FAF1: variants seen among roughly 807,000 people sequenced by gnomAD.
FAF1 encodes FAS-associated factor 1.
In FAF1, 25 loss-of-function variants were observed where a neutral mutation model predicts 92.5. That is an observed-to-expected ratio of 0.27 (90% CI 0.20 to 0.38). The LOEUF (loss-of-function observed/expected upper bound fraction) is 0.38. Among genes scored for constraint, FAF1 ranks in the 10% least tolerant of loss-of-function variants. The pLI is 1.00. For synonymous variants in FAF1, 234 were observed against 273.2 expected, an observed-to-expected ratio of 0.86 and a Z score of 1.42; for missense variants, 636 against 793.3, an observed-to-expected ratio of 0.80 and a Z score of 2.38.
At chr1:50,922,492 GAGAGAAGAGA>G (rs71059599) in intron 1 of FAF1, among the ~76,000 whole-genome samples, 7 of 136,240 alleles carry the variant, frequency 5.1e-5, no homozygotes, top group African/African-American at 1.7e-4. Flanking sequence ...AGAAAAGAGA[GAGAGAAGAGA>G]AGAGAAGAGA....
intron 8 of FAF1, among the ~76,000 whole-genome samples, chr1:50,651,716 A>G (rs1361163414): frequency 1.3e-5 from 2 of 152,184 alleles, no homozygotes; most frequent in Non-Finnish European, 2.9e-5. Flanking sequence ...TACACAGCTG[A>G]CATTTCTCAG....
intron 13 of FAF1, among the ~76,000 whole-genome samples, chr1:50,539,993 A>C (rs1419147555): frequency 6.6e-6 from 1 of 151,894 alleles, no homozygotes; most frequent in Admixed American, 6.6e-5. Context: ...TTTTTTTGAG[A>C]CAGAGTCTCT....
intron 13 of FAF1, among the ~76,000 whole-genome samples, chr1:50,547,077 A>T (rs1395455766): frequency 4.7e-5 from 7 of 150,204 alleles, no homozygotes; most frequent in Non-Finnish European, 1.0e-4. Flanking sequence ...TTTTTTTTGT[A>T]GAGATGGGTT....
intron 15 of FAF1, among the ~76,000 whole-genome samples, chr1:50,535,045 T>C (rs1408321303): frequency 6.6e-6 from 1 of 152,190 alleles, no homozygotes; most frequent in African/African-American, 2.4e-5. Context: ...ATAAAATCCA[T>C]ATAGTAGACA....
intron 1 of FAF1, among the ~76,000 whole-genome samples, chr1:50,875,405 C>G (rs932373599): frequency 5.9e-5 from 9 of 151,926 alleles, no homozygotes; most frequent in Non-Finnish European, 2.9e-5. Context: ...GTGAGAACAC[C>G]TACAATCAAC....
At chr1:50,596,079 GA>G (rs1558009108) in intron 9 of FAF1, 41 bp downstream of exon 9, 1 of 1,351,610 alleles carries the variant, frequency 7.4e-7, no homozygotes, top group South Asian at 1.2e-5. Flanking sequence ...GTAGGTGGGG[GA>G]TGGGCCTTCT....
chr1:50,559,710 TAG>T (rs1649778574), intron 13 of FAF1, among the ~76,000 whole-genome samples: 1 of 152,168 alleles, frequency 6.6e-6, no homozygotes, highest in Non-Finnish European at 1.5e-5. Flanking sequence ...AATGAGTGGG[TAG>T]GATGTAATCA....
Position 50,858,695 on chromosome 1 carries a change from A to C in FAF1, c.46-698T>G, listed in dbSNP as rs538819105. On this transcript the variant is annotated intron_variant, in intron 1 of 18. Coordinates refer to ENST00000396153, the MANE Select transcript of FAF1 (RefSeq NM_007051.3). Reference sequence around the variant, plus strand: ...TTCACACATTTCTTTTTACCCCTTTAACATAAATACTAAGAAAAAATTAAC... The same window carrying C: ...TTCACACATTTCTTTTTACCCCTTTCACATAAATACTAAGAAAAAATTAAC... 5.9e-5 allele frequency among the ~76,000 whole-genome samples: 9 copies of C among 152,010 alleles called. No individual in the cohort carries two copies. The South Asian group carries it at 1.9e-3, about 31-fold the overall frequency.
At chr1:50,596,255 G>T in intron 8 of FAF1, 39 bp from the exon 9 acceptor site, 1 of 1,422,430 alleles carries the variant, frequency 7.0e-7, no homozygotes, top group Non-Finnish European at 9.9e-7. Flanking sequence ...AACAAAATAC[G>T]GCCATGTTTC....
Position 50,959,749 on chromosome 1 carries a change from G to A in FAF1, c.45+18C>T. On this transcript the variant is annotated intron_variant, in intron 1 of 18. Transcript: ENST00000396153. Reference sequence around the variant, plus strand: ...CACGAGGTTGGAAGTGGGAGGGGAAGAGGGCCAGATACTTCACCTGAAAAT... The same window carrying A: ...CACGAGGTTGGAAGTGGGAGGGGAAAAGGGCCAGATACTTCACCTGAAAAT... 1.9e-6 allele frequency: 3 copies of A among 1,599,008 alleles called. No individual in the cohort carries two copies. The highest frequency in any genetic ancestry group is 1.7e-6 in the Non-Finnish European group (2 of 1,171,632).
At chr1:50,806,868 A>C (rs535079155) in intron 2 of FAF1, among the ~76,000 whole-genome samples, 7 of 152,338 alleles carry the variant, frequency 4.6e-5, no homozygotes, top group East Asian at 1.9e-4. Flanking sequence ...CAAAAGCAAA[A>C]AAACAAACAA....
chr1:50,738,019 CATTA>C (rs1173927538), intron 6 of FAF1, among the ~76,000 whole-genome samples: 1 of 152,100 alleles, frequency 6.6e-6, no homozygotes, highest in Non-Finnish European at 1.5e-5. Flanking sequence ...CAGTTTGCTT[CATTA>C]AACAATAAAA....
At chr1:50,878,276 T>C (rs1644586170) in intron 1 of FAF1, among the ~76,000 whole-genome samples, 1 of 152,224 alleles carries the variant, frequency 6.6e-6, no homozygotes. Context: ...AAAGTTGTTT[T>C]TGATGAGTTA....
intron 7 of FAF1, among the ~76,000 whole-genome samples, chr1:50,682,153 G>A (rs1394178612): frequency 1.3e-5 from 2 of 151,964 alleles, no homozygotes; most frequent in Admixed American, 6.6e-5. Context: ...ATGTGTAACT[G>A]AGTAACTGAT....
In FAF1 at chr1:50,607,634, G is replaced by A. The variant is rs534930448; in HGVS notation, c.745-11418C>T. Among the ~76,000 whole-genome samples the A allele has an allele frequency of 7.9e-5, 12 of 152,246 alleles. No individual in the cohort carries two copies. The South Asian group carries it at 2.3e-3, about 29-fold the overall frequency. On this transcript the variant is annotated intron_variant, in intron 8 of 18. Coordinates refer to ENST00000396153, the MANE Select transcript of FAF1 (RefSeq NM_007051.3). ...TTTCTTAGGCATGTGAACATAATAT[G>A]AGGAAAATTTAAGTGACAAAACTTC...
intron 2 of FAF1, among the ~76,000 whole-genome samples, chr1:50,852,755 A>G (rs1644361173): frequency 6.6e-6 from 1 of 152,174 alleles, no homozygotes; most frequent in Admixed American, 6.6e-5. Context: ...AATAAAACTA[A>G]CATTTACCTA....
At chr1:50,956,656 T>A (rs1411782892) in intron 1 of FAF1, among the ~76,000 whole-genome samples, 1 of 152,170 alleles carries the variant, frequency 6.6e-6, no homozygotes, top group African/African-American at 2.4e-5. Flanking sequence ...ATCCTTAAAT[T>A]AAATGATTTG....
intron 4 of FAF1, among the ~76,000 whole-genome samples, chr1:50,787,397 T>C (rs933315738): frequency 2.0e-5 from 3 of 152,154 alleles, no homozygotes; most frequent in East Asian, 1.9e-4. Context: ...GATGCCCTTA[T>C]AAAAAGAGTT....
chr1:50,888,644 C>T (rs540988563), intron 1 of FAF1, among the ~76,000 whole-genome samples: 12 of 152,176 alleles, frequency 7.9e-5, no homozygotes, highest in Non-Finnish European at 1.3e-4. Flanking sequence ...GTCTTTGGTT[C>T]TGTTTATATG....
Sources: allele counts gnomAD v4.1 joint callset (sites outside exome capture counted in the v4.1 genomes callset), GRCh38; gene constraint gnomAD v4.1.1; transcripts MANE v1.5; gene names NCBI Gene and HGNC (gene_info 2026-07-23, HGNC 2026-07-21).